STXBP5L: variants seen among roughly 807,000 people sequenced by gnomAD.
STXBP5L encodes the protein syntaxin binding protein 5L, also known as syntaxin-binding protein 5-like.
STXBP5L carries 65 observed loss-of-function variants against 144.5 expected under a neutral mutation model. The ratio of observed to expected loss-of-function variants is 0.45; its 90% CI spans 0.37 to 0.55. The LOEUF (loss-of-function observed/expected upper bound fraction) is 0.55, where lower values mean the gene tolerates loss of function less well. STXBP5L is among the 20% of genes least tolerant of loss of function. STXBP5L has a pLI of 0.00. For missense variants in STXBP5L, 1,298 were observed against 1,405.5 expected, an observed-to-expected ratio of 0.92 and a Z score of 1.22; for synonymous variants, 505 against 469.6, an observed-to-expected ratio of 1.08 and a Z score of -0.97.
At chr3:121,114,465 G>A (rs567176404) in intron 5 of STXBP5L, among the ~76,000 whole-genome samples, 6 of 152,114 alleles carry the variant, frequency 3.9e-5, no homozygotes, top group Admixed American at 2.0e-4. Context: ...TTAAGTTTAC[G>A]AAATATAATA....
intron 22 of STXBP5L, among the ~76,000 whole-genome samples, chr3:121,390,865 G>T (rs895198854): frequency 1.3e-5 from 2 of 151,704 alleles, no homozygotes; most frequent in Non-Finnish European, 2.9e-5. Flanking sequence ...ATGTGTCTCG[G>T]GGTTGCTCTT....
intron 22 of STXBP5L, among the ~76,000 whole-genome samples, chr3:121,400,522 C>T (rs2046846510): frequency 6.6e-6 from 1 of 152,182 alleles, no homozygotes; most frequent in South Asian, 2.1e-4. Context: ...CACCCCTCTT[C>T]TATGGTTTGA....
At chr3:121,018,130 C>T (rs1560008200) in intron 3 of STXBP5L, among the ~76,000 whole-genome samples, 1 of 152,042 alleles carries the variant, frequency 6.6e-6, no homozygotes, top group Non-Finnish European at 1.5e-5. Context: ...ACATGGATAG[C>T]AATATTCAAT....
chr3:120,925,833 AT>A lies in STXBP5L; in HGVS notation c.189+16067del, dbSNP rs1480443630. On this transcript the variant is annotated intron_variant, in intron 2 of 26. Transcript: ENST00000471454. Reference sequence around the variant, plus strand: ...TACAGGATTTTGCACTGTTATTGCCATGAGGCTTACAGAGAACATCTTATAG... The same window carrying A: ...TACAGGATTTTGCACTGTTATTGCCAGAGGCTTACAGAGAACATCTTATAG... 2.6e-5 allele frequency among the ~76,000 whole-genome samples: 4 copies of A among 152,144 alleles called. No homozygotes were observed. The East Asian group carries it at 7.7e-4, about 29-fold the overall frequency.
intron 9 of STXBP5L, among the ~76,000 whole-genome samples, chr3:121,200,011 G>A (rs1252477474): frequency 6.6e-6 from 1 of 152,126 alleles, no homozygotes; most frequent in Non-Finnish European, 1.5e-5. Context: ...ATGAGTTAGG[G>A]AGGAGTGCCT....
At chr3:121,355,536 G>A (rs1252572413) in intron 20 of STXBP5L, among the ~76,000 whole-genome samples, 1 of 152,092 alleles carries the variant, frequency 6.6e-6, no homozygotes, top group African/African-American at 2.4e-5. Context: ...TCAGCTCCAT[G>A]AGGTCATTTA....
intron 3 of STXBP5L, among the ~76,000 whole-genome samples, chr3:120,972,779 G>T (rs1940423947): frequency 6.6e-6 from 1 of 151,944 alleles, no homozygotes; most frequent in African/African-American, 2.4e-5. Context: ...TATCATGAAG[G>T]GGTCCTGGAT....
intron 20 of STXBP5L, among the ~76,000 whole-genome samples, chr3:121,353,686 G>C (rs1038745911): frequency 6.6e-6 from 1 of 152,022 alleles, no homozygotes; most frequent in East Asian, 1.9e-4. Flanking sequence ...ATCTCTTTCA[G>C]ATCTGCTCTG....
Position 121,407,560 on chromosome 3 carries a change from T to C in STXBP5L, c.2905T>C (p.Cys969Arg). Reference protein sequence around the residue: ...ANVVVMCSSACLACFCANGHI... With the variant: ...ANVVVMCSSARLACFCANGHI... ...TGTGGTGGTCATGTGTAGCAGTGCCTGCTTGGCATGCTTTTGTGCTAACGG... is the reference window on the plus strand; with the variant it reads ...TGTGGTGGTCATGTGTAGCAGTGCCCGCTTGGCATGCTTTTGTGCTAACGG... The change falls in exon 23 of 27, where the codon TGC becomes CGC. Residue 969 changes from cysteine (C) to arginine (R), a missense_variant. Physicochemically the swap from Cys to Arg is radical, Grantham distance 180. Transcript: ENST00000471454. The C allele has an allele frequency of 1.9e-6, 3 of 1,613,352 alleles. No homozygotes were observed. The highest frequency in any genetic ancestry group is 2.2e-5 in the South Asian group (2 of 91,066).
Position 121,126,994 on chromosome 3 carries a change from A to ATGT in STXBP5L, c.669+5304_669+5306dup, listed in dbSNP as rs543769543. On this transcript the variant is annotated intron_variant, in intron 7 of 26. Coordinates refer to ENST00000471454, the MANE Select transcript of STXBP5L (RefSeq NM_001308330.2). ...GTTCTTCACTTTTATAAAATATTTT[A>ATGT]TGTTGTTGTTGTTGTTATGTAAAGA... Among the ~76,000 whole-genome samples, 934 of 152,178 alleles carry ATGT rather than the reference A, an allele frequency of 6.1e-3. 5 individuals carry two copies. Among genetic ancestry groups the ATGT allele is most frequent in the Middle Eastern group, 0.024 (7 of 294 alleles).
chr3:121,182,644 A>G (rs1489036406), intron 9 of STXBP5L, among the ~76,000 whole-genome samples: 1 of 152,168 alleles, frequency 6.6e-6, no homozygotes, highest in African/African-American at 2.4e-5. Context: ...AAGAAGTAAC[A>G]AAGATCAGTG....
chr3:121,335,757 C>A lies in STXBP5L; in HGVS notation c.2176+17217C>A, dbSNP rs914498699. ...CTGGATCCCTTCTTTACACCACATA[C>A]GAAAATCTACTCAAGATGGAGGAAA... On this transcript the variant is annotated intron_variant, in intron 20 of 26. Coordinates refer to ENST00000471454, the MANE Select transcript of STXBP5L (RefSeq NM_001308330.2). Among the ~76,000 whole-genome samples the A allele has an allele frequency of 3.3e-5, 5 of 152,028 alleles. No homozygotes were observed. In the South Asian group the frequency reaches 6.2e-4, roughly 19 times the overall value.
intron 5 of STXBP5L, among the ~76,000 whole-genome samples, chr3:121,069,925 G>A (rs1163078018): frequency 2.0e-5 from 3 of 152,050 alleles, no homozygotes; most frequent in Admixed American, 1.3e-4. Context: ...TTTTGATGTA[G>A]GCATTTAATG....
At chr3:121,020,436 A>C (rs1429954560) in intron 3 of STXBP5L, among the ~76,000 whole-genome samples, 1 of 152,214 alleles carries the variant, frequency 6.6e-6, no homozygotes, top group African/African-American at 2.4e-5. Context: ...TATTGCAAAA[A>C]GATAATCACC....
intron 17 of STXBP5L, among the ~76,000 whole-genome samples, chr3:121,257,809 C>T (rs1368883849): frequency 1.3e-5 from 2 of 152,118 alleles, no homozygotes; most frequent in Non-Finnish European, 2.9e-5. Flanking sequence ...CCTGTAGCTC[C>T]AGCTTCTAGG....
At chr3:121,194,848 G>A (rs2047855183) in intron 9 of STXBP5L, among the ~76,000 whole-genome samples, 1 of 141,726 alleles carries the variant, frequency 7.1e-6, no homozygotes. Context: ...TTGGAATATT[G>A]TTATTAATAA....
intron 9 of STXBP5L, among the ~76,000 whole-genome samples, chr3:121,183,601 GAA>G: frequency 7.0e-6 from 1 of 142,048 alleles, no homozygotes; most frequent in East Asian, 2.1e-4. Flanking sequence ...AAGAAAGAAA[GAA>G]AGAGAAAGGA....
intron 19 of STXBP5L, among the ~76,000 whole-genome samples, chr3:121,304,939 A>G (rs2043287441): frequency 6.6e-6 from 1 of 152,042 alleles, no homozygotes; most frequent in Non-Finnish European, 1.5e-5. Context: ...TAAAACCCTA[A>G]CAATACTGAT....
intron 9 of STXBP5L, among the ~76,000 whole-genome samples, chr3:121,178,246 C>T (rs1374194943): frequency 6.6e-6 from 1 of 152,162 alleles, no homozygotes; most frequent in Non-Finnish European, 1.5e-5. Flanking sequence ...TGCCACTGAA[C>T]TGTACACTGA....
Sources: gnomAD v4.1 joint callset for allele counts (sites outside exome capture counted in the v4.1 genomes callset) on GRCh38, gnomAD v4.1.1 for gene constraint, MANE v1.5 for transcripts, NCBI Gene and HGNC (gene_info 2026-07-23, HGNC 2026-07-21) for gene names.